Variants in SLCO4A1 observed in about 807,000 individuals in gnomAD.
The protein encoded by SLCO4A1 is colon organic anion transporter.
A neutral mutation model predicts 64.6 loss-of-function variants in SLCO4A1; 51 were observed. The ratio of observed to expected loss-of-function variants is 0.79; its 90% CI spans 0.63 to 1.00. The LOEUF is 1.00. SLCO4A1 is among the 50% of genes least tolerant of loss of function. The probability of loss-of-function intolerance (pLI) is 0.00; values close to 1 mark genes in which losing one functional copy is unlikely to be tolerated. For synonymous variants in SLCO4A1, 471 were observed against 444.9 expected (o/e 1.06, Z -0.74); for missense variants, 919 against 980.5 (o/e 0.94, Z 0.84).
intron 5 of SLCO4A1, among the ~76,000 whole-genome samples, chr20:62,662,244 C>A (rs545163478): frequency 6.6e-6 from 1 of 152,218 alleles, no homozygotes; most frequent in Admixed American, 6.5e-5. Context: ...CTGATAGACC[C>A]CCCAAAGGAG....
Position 62,664,963 on chromosome 20 carries a change from C to T in SLCO4A1, c.1151C>T (p.Thr384Met), listed in dbSNP as rs371331068. The T allele has an allele frequency of 5.0e-6, 8 of 1,612,528 alleles. No individual in the cohort carries two copies. Among genetic ancestry groups the T allele is most frequent in the South Asian group, 1.1e-5 (1 of 90,912 alleles). Residue 384 changes from threonine (T) to methionine (M), a missense_variant, in exon 6 of 12, where the codon ACG becomes ATG. By Grantham distance (81) the Thr-to-Met change is moderately conservative. Transcript: ENST00000217159. Reference sequence around the variant, plus strand: ...ATCTGGCTCCTGCTGAAGAACCCCACGTTCATCCTGCTCTGCCTGGCCGGG... The same window carrying T: ...ATCTGGCTCCTGCTGAAGAACCCCATGTTCATCCTGCTCTGCCTGGCCGGG... The part of the protein sequence containing the change: ...LSIWLLLKNP[T>M]FILLCLAGAT...
At chr20:62,647,167 C>G (rs529801165) in intron 1 of SLCO4A1, among the ~76,000 whole-genome samples, 1 of 152,392 alleles carries the variant, frequency 6.6e-6, no homozygotes, top group Admixed American at 6.5e-5. Flanking sequence ...GAAGTGAAAG[C>G]TCCTTTCATT....
chr20:62,688,784 C>T (rs139361189), downstream of SLCO4A1, among the ~76,000 whole-genome samples: 27 of 152,322 alleles, frequency 1.8e-4, no homozygotes, highest in African/African-American at 5.8e-4. Context: ...AGTCCCTCTG[C>T]AATGTCAGAA....
At chr20:62,649,175 G>A (rs1346291720) in intron 1 of SLCO4A1, 1 of 152,288 alleles carries the variant, frequency 6.6e-6, no homozygotes, top group East Asian at 1.9e-4. Context: ...GCTGCTGCAG[G>A]TTCCAGCCTG....
downstream of SLCO4A1, among the ~76,000 whole-genome samples, chr20:62,686,102 A>G (rs577881983): frequency 1.3e-5 from 2 of 152,144 alleles, no homozygotes; most frequent in South Asian, 4.2e-4. Context: ...GCCACTTCCC[A>G]TCTGGGCAGG....
chr20:62,671,747 C>G lies in SLCO4A1; in HGVS notation c.2026-3C>G. The G allele has an allele frequency of 1.2e-6, 2 of 1,612,416 alleles. No homozygotes were observed. Among genetic ancestry groups the G allele is most frequent in the Non-Finnish European group, 8.5e-7 (1 of 1,179,138 alleles). On this transcript the variant is annotated splice_region_variant and splice_polypyrimidine_tract_variant and intron_variant, in intron 11 of 11. Coordinates refer to ENST00000217159, the MANE Select transcript of SLCO4A1 (RefSeq NM_016354.4). ...GAGGTCCAGCGGGCTCCTCTCTCCC[C>G]AGGTGCTGGGCGTCCTCTTCTTTGC... is the stretch of plus-strand genomic sequence containing the variant.
rs755552853 is a variant in SLCO4A1 at position 62,666,413 on chromosome 20, C to T, written c.1310C>T (p.Thr437Ile). Residue 437 changes from threonine to isoleucine, a missense_variant, in exon 7 of 12, where the codon ACC (threonine) becomes ATC (isoleucine). Thr to Ile is a moderately conservative substitution (Grantham distance 89, BLOSUM62 -1). Transcript: ENST00000217159. ...YLVVPAGGGG[T>I]FLGGFFVNKL... Reference sequence around the variant, plus strand: ...GTGGTGCCAGCGGGTGGTGGCGGCACCTTCCTGGGCGGCTTCTTTGTGAAC... The same window carrying T: ...GTGGTGCCAGCGGGTGGTGGCGGCATCTTCCTGGGCGGCTTCTTTGTGAAC... The T allele has an allele frequency of 5.0e-6, 8 of 1,612,954 alleles. No individual in the cohort carries two copies. The highest frequency in any genetic ancestry group is 6.8e-6 in the Non-Finnish European group (8 of 1,179,926).
chr20:62,647,225 A>C (rs773467444), intron 1 of SLCO4A1, among the ~76,000 whole-genome samples: 12 of 152,192 alleles, frequency 7.9e-5, no homozygotes, highest in Non-Finnish European at 1.3e-4. Flanking sequence ...TTGGAGATAG[A>C]GGAGAGAGTC....
At chr20:62,686,147 G>A (rs917651923), downstream of SLCO4A1, among the ~76,000 whole-genome samples, 1 of 152,200 alleles carries the variant, frequency 6.6e-6, no homozygotes, top group Non-Finnish European at 1.5e-5. Context: ...AGCCGCCCAT[G>A]GAGACGGCTC....
intron 2 of SLCO4A1, among the ~76,000 whole-genome samples, chr20:62,677,864 G>T (rs889582776): frequency 2.0e-5 from 3 of 152,250 alleles, no homozygotes; most frequent in African/African-American, 7.2e-5. Context: ...GGCCGAGTCC[G>T]CCGTGATGGG....
chr20:62,668,165 G>A lies in SLCO4A1; in HGVS notation c.1792G>A (p.Ala598Thr), dbSNP rs1283378580. 2 of 1,613,888 alleles carry A rather than the reference G, an allele frequency of 1.2e-6. No homozygotes were observed. Among genetic ancestry groups the A allele is most frequent in the Non-Finnish European group, 1.7e-6 (2 of 1,179,970 alleles). Reference sequence around the variant, plus strand: ...CTTTACATTCCTCAGCAGCATTCCTGCACTAACGGCAACTCTACGGTAAGC... The same window carrying A: ...CTTTACATTCCTCAGCAGCATTCCTACACTAACGGCAACTCTACGGTAAGC... ...IFFTFLSSIP[A>T]LTATLRCVRD... The change falls in exon 9 of 12, where the codon GCA becomes ACA. Residue 598 changes from alanine to threonine, a missense_variant. By Grantham distance (58) the Ala-to-Thr change is moderately conservative (BLOSUM62 0). Coordinates refer to ENST00000217159, the MANE Select transcript of SLCO4A1 (RefSeq NM_016354.4).
At position 62,645,111 on chromosome 20, in the gene SLCO4A1, G is replaced by A. The variant is rs1475006890; in HGVS notation, c.-97+2558G>A. Among the ~76,000 whole-genome samples, 1 of 152,216 alleles carries A rather than the reference G, an allele frequency of 6.6e-6. No individual in the cohort carries two copies. Among genetic ancestry groups the A allele is most frequent in the Non-Finnish European group, 1.5e-5 (1 of 68,034 alleles). ...GTTCTGGGACATGGACCACTGTCTG[G>A]CCCCCCAGTGAGCTTGCTGAGTGTC... On this transcript the variant is annotated intron_variant, in intron 1 of 11. Coordinates refer to ENST00000217159, the MANE Select transcript of SLCO4A1 (RefSeq NM_016354.4). The surrounding 1 kb of genome is among the most constrained non-coding windows in gnomAD (Gnocchi z 4.2).
In SLCO4A1 at chr20:62,668,149, C is replaced by T. The variant is rs148463271; in HGVS notation, c.1776C>T (p.Phe592=). 1.9e-4 allele frequency: 304 copies of T among 1,614,040 alleles called. No individual in the cohort carries two copies. The East Asian group carries it at 6.2e-3, about 33-fold the overall frequency. Residue 592 remains phenylalanine, a synonymous_variant, in exon 9 of 12, where the codon TTC becomes TTT. Transcript: ENST00000217159. ...VFIFVVIFFT[F]LSSIPALTAT... The stretch of plus-strand genomic sequence containing the variant: ...TATTCGTTGTAATTTTCTTTACATT[C>T]CTCAGCAGCATTCCTGCACTAACGG...
Position 62,642,515 on chromosome 20 carries a change from G to C in SLCO4A1, c.-135G>C. On this transcript the variant is annotated 5_prime_UTR_variant, in exon 1 of 12. Transcript: ENST00000217159. ...TGCCGGGGAGGCCAGAGCGTGGAGC[G>C]CTGCGCGGCGCGGCGGCCGGGCCCT... 4.7e-6 allele frequency: 1 copy of C among 211,576 alleles called. No individual in the cohort carries two copies. The highest frequency in any genetic ancestry group is 9.6e-6 in the Non-Finnish European group (1 of 103,692). The allele number at this position is 211,576 out of a possible 1,614,324, so 13.1% of individuals were successfully genotyped here.
downstream of SLCO4A1, among the ~76,000 whole-genome samples, chr20:62,675,785 T>C (rs1262704028): frequency 6.6e-6 from 1 of 152,164 alleles, no homozygotes; most frequent in African/African-American, 2.4e-5. Context: ...CATGCTGGCC[T>C]GGGTCCTGGA....
At chr20:62,672,803 C>T (rs912273760), downstream of SLCO4A1, among the ~76,000 whole-genome samples, 5 of 152,078 alleles carry the variant, frequency 3.3e-5, no homozygotes, top group African/African-American at 9.7e-5. Flanking sequence ...CCTTAAGAGA[C>T]CTCTGCCATC....
At position 62,667,757 on chromosome 20, in the gene SLCO4A1, A is replaced by G. The variant is rs1463863924; in HGVS notation, c.1485A>G (p.Glu495=). ...TASYGGSLLP[E]GHLNLTAPCN... ...CCCCCCTCTGCAGCCTCCTGCCCGA[A>G]GGCCACCTGAACCTAACGGCTCCCT... The change falls in exon 8 of 12, where the codon GAA becomes GAG. Residue 495 remains glutamate (E), a synonymous_variant. Transcript: ENST00000217159. The G allele has an allele frequency of 6.2e-7, 1 of 1,608,170 alleles. No homozygotes were observed. Among genetic ancestry groups the G allele is most frequent in the Non-Finnish European group, 8.5e-7 (1 of 1,177,496 alleles).
At chr20:62,687,218 G>GATGGAAAGGGCACCCCCAAACAGGAGC (rs1555921744), downstream of SLCO4A1, among the ~76,000 whole-genome samples, 4 of 140,896 alleles carry the variant, frequency 2.8e-5, no homozygotes, top group African/African-American at 1.0e-4. Flanking sequence ...AAACAGGAGC[G>GATGGAAAGGGCACCCCCAAACAGGAGC]GGGGCCTCTG....
At chr20:62,674,684 G>T (rs1987504444), downstream of SLCO4A1, among the ~76,000 whole-genome samples, 1 of 152,196 alleles carries the variant, frequency 6.6e-6, no homozygotes, top group Non-Finnish European at 1.5e-5. Context: ...CCAGTTCGTA[G>T]GTCGAAGCCC....
Sources: gnomAD v4.1 joint callset for allele counts (sites outside exome capture counted in the v4.1 genomes callset) on GRCh38, gnomAD v4.1.1 for gene constraint, Gnocchi (gnomAD v3.1) non-coding constraint, MANE v1.5 for transcripts, NCBI Gene and HGNC (gene_info 2026-07-23, HGNC 2026-07-21) for gene names.